Variants in SMCO4 observed in about 807,000 individuals in gnomAD.
SMCO4 encodes the protein single-pass membrane protein with coiled-coil domains 4.
In SMCO4, 4 loss-of-function variants were observed where a neutral mutation model predicts 3.6. The ratio of observed to expected loss-of-function variants is 1.11; its 90% CI spans 0.54 to 2.53. The LOEUF is 2.53. Ranked by LOEUF, SMCO4 falls within the 30% of genes most tolerant of loss-of-function variation. The probability of loss-of-function intolerance (pLI) is 0.02; values close to 1 mark genes in which losing one functional copy is unlikely to be tolerated. For missense variants in SMCO4, 70 were observed against 80.8 expected (o/e 0.87, Z 0.51); for synonymous variants, 36 against 35.3 (o/e 1.02, Z -0.07).
intron 2 of SMCO4, among the ~76,000 whole-genome samples, chr11:93,492,971 TC>T (rs1481505598): frequency 1.3e-5 from 2 of 152,198 alleles, no homozygotes; most frequent in African/African-American, 4.8e-5. Context: ...CTCCAAGGTC[TC>T]CTAAGAGTCT....
At chr11:93,511,711 C>A (rs1430881567) in intron 1 of SMCO4, among the ~76,000 whole-genome samples, 1 of 152,100 alleles carries the variant, frequency 6.6e-6, no homozygotes, top group Non-Finnish European at 1.5e-5. Context: ...ACATGCTACT[C>A]TACACTGGAA....
chr11:93,484,374 A>C (rs555769413), intron 2 of SMCO4, among the ~76,000 whole-genome samples: 1 of 152,330 alleles, frequency 6.6e-6, no homozygotes, highest in African/African-American at 2.4e-5. Context: ...TATAATGTAC[A>C]CAGAGTGTTA....
chr11:93,535,469 A>T, intron 1 of SMCO4: 1 of 1,394,456 alleles, frequency 7.2e-7, no homozygotes, highest in Non-Finnish European at 1.0e-6. Context: ...AGTCGCCGCG[A>T]TGGTGTTGTT....
intron 1 of SMCO4, among the ~76,000 whole-genome samples, chr11:93,534,285 T>TAC (rs1216676086): frequency 2.1e-5 from 3 of 145,598 alleles, no homozygotes; most frequent in Admixed American, 6.9e-5. Flanking sequence ...TATACATATA[T>TAC]ACACACACAC....
chr11:93,486,660 G>T (rs1948653740), intron 2 of SMCO4, among the ~76,000 whole-genome samples: 1 of 152,100 alleles, frequency 6.6e-6, no homozygotes, highest in African/African-American at 2.4e-5. Flanking sequence ...ACTGCCCAGG[G>T]CCTACAGCAT....
At chr11:93,548,317 C>T (rs1311420873), upstream of SMCO4, among the ~76,000 whole-genome samples, 1 of 152,184 alleles carries the variant, frequency 6.6e-6, no homozygotes, top group African/African-American at 2.4e-5. Flanking sequence ...AAGTTGACAG[C>T]CTCAGTTTCC....
intron 1 of SMCO4, among the ~76,000 whole-genome samples, chr11:93,518,270 C>A (rs757788662): frequency 4.6e-5 from 7 of 152,226 alleles, no homozygotes; most frequent in Non-Finnish European, 7.3e-5. Context: ...TTGTGGCATA[C>A]ATCTGTACAT....
At chr11:93,499,425 C>T (rs1565378214) in intron 1 of SMCO4, 77 bp from the exon 2 acceptor site, 1 of 152,158 alleles carries the variant, frequency 6.6e-6, no homozygotes. Flanking sequence ...TTGGAACCCC[C>T]TCAGCCCATG....
rs528844174 is a variant in SMCO4 at position 93,478,890 on chromosome 11, G to C, written c.*120C>G. Reference sequence around the variant, plus strand: ...TCAAGTCAAAGACCAGAGAAGACAGGGTGCTCCTGCTTACAGCTCAGCAAC... The same window carrying C: ...TCAAGTCAAAGACCAGAGAAGACAGCGTGCTCCTGCTTACAGCTCAGCAAC... On this transcript the variant is annotated 3_prime_UTR_variant, in exon 3 of 3. Coordinates refer to ENST00000298966, the MANE Select transcript of SMCO4 (RefSeq NM_020179.3). The C allele has an allele frequency of 2.5e-5, 36 of 1,439,494 alleles. No individual in the cohort carries two copies. The South Asian group carries it at 2.6e-4, about 11-fold the overall frequency. The allele number at this position is 1,439,494 out of a possible 1,614,324, so 89.2% of individuals were successfully genotyped here.
At chr11:93,495,162 A>G (rs1333284102) in intron 2 of SMCO4, among the ~76,000 whole-genome samples, 1 of 152,096 alleles carries the variant, frequency 6.6e-6, no homozygotes, top group African/African-American at 2.4e-5. Flanking sequence ...CAAGGGTCAC[A>G]TGACTTTCCA....
chr11:93,534,363 T>TACACATATATATACACATAC (rs1395521002), intron 1 of SMCO4, among the ~76,000 whole-genome samples: 5 of 75,254 alleles, frequency 6.6e-5, no homozygotes, highest in African/African-American at 2.4e-4. Context: ...CATACATATA[T>TACACATATATATACACATAC]ATATATATAT....
intron 1 of SMCO4, among the ~76,000 whole-genome samples, chr11:93,530,831 T>C (rs889231292): frequency 1.3e-5 from 2 of 152,186 alleles, no homozygotes; most frequent in African/African-American, 4.8e-5. Context: ...AAAGCCCTCC[T>C]TGACCACCTC....
chr11:93,506,580 G>A (rs557274270), intron 1 of SMCO4, among the ~76,000 whole-genome samples: 13 of 151,904 alleles, frequency 8.6e-5, no homozygotes, highest in African/African-American at 2.4e-4. Flanking sequence ...CTGGGACTAC[G>A]GGTGCCCGCC....
At chr11:93,512,471 T>C (rs1948966411) in intron 1 of SMCO4, among the ~76,000 whole-genome samples, 1 of 152,230 alleles carries the variant, frequency 6.6e-6, no homozygotes. Flanking sequence ...CCCAAAGCAG[T>C]TTCCAGTCCT....
At chr11:93,532,632 C>A (rs1797760268) in intron 1 of SMCO4, among the ~76,000 whole-genome samples, 1 of 152,206 alleles carries the variant, frequency 6.6e-6, no homozygotes, top group African/African-American at 2.4e-5. Flanking sequence ...CTGGAGCACC[C>A]TGACTCATAC....
intron 1 of SMCO4, among the ~76,000 whole-genome samples, chr11:93,509,477 A>G (rs1443262523): frequency 6.6e-6 from 1 of 152,216 alleles, no homozygotes; most frequent in Non-Finnish European, 1.5e-5. Flanking sequence ...GTATCTACCC[A>G]GAGGAAAAGA....
intron 2 of SMCO4, among the ~76,000 whole-genome samples, chr11:93,487,701 G>A (rs984616882): frequency 6.6e-6 from 1 of 152,140 alleles, no homozygotes; most frequent in Non-Finnish European, 1.5e-5. Flanking sequence ...GCTTTTCTGT[G>A]CATTATTCAT....
At chr11:93,523,743 T>A (rs1350922252) in intron 1 of SMCO4, among the ~76,000 whole-genome samples, 2 of 152,220 alleles carry the variant, frequency 1.3e-5, no homozygotes, top group Non-Finnish European at 2.9e-5. Context: ...GTGCTAAAAG[T>A]GCTGACACGT....
chr11:93,490,476 T>C (rs1317357436), intron 2 of SMCO4, among the ~76,000 whole-genome samples: 4 of 152,162 alleles, frequency 2.6e-5, no homozygotes, highest in Non-Finnish European at 5.9e-5. Context: ...TTAGAAAATA[T>C]GTGTTTATAT....
Sources: gnomAD v4.1 joint callset for allele counts (sites outside exome capture counted in the v4.1 genomes callset) on GRCh38, gnomAD v4.1.1 for gene constraint, MANE v1.5 for transcripts, NCBI Gene and HGNC (gene_info 2026-07-23, HGNC 2026-07-21) for gene names.